Variants in CEMIP observed in about 807,000 individuals in gnomAD.
CEMIP encodes cell migration inducing hyaluronidase 1.
Under a neutral mutation model 156.9 loss-of-function variants are expected in CEMIP, and 105 were observed. That is an observed-to-expected ratio of 0.67 (90% CI 0.57 to 0.79). The LOEUF (loss-of-function observed/expected upper bound fraction) is 0.79, where lower values mean the gene tolerates loss of function less well. Ranked by LOEUF, CEMIP falls within the 30% of genes least tolerant of loss-of-function variation. The pLI is 0.00. For missense variants in CEMIP, 1,457 were observed against 1,769.4 expected, an observed-to-expected ratio of 0.82 and a Z score of 3.17; for synonymous variants, 676 against 668.4, an observed-to-expected ratio of 1.01 and a Z score of -0.17.
chr15:80,854,169 A>C (rs1399565498), intron 1 of CEMIP, among the ~76,000 whole-genome samples: 2 of 152,210 alleles, frequency 1.3e-5, no homozygotes, highest in African/African-American at 4.8e-5. Context: ...CTCTCATTTT[A>C]TGGAGAAAAT....
Position 80,929,188 on chromosome 15 carries a change from C to A in CEMIP, c.2612+14C>A. On this transcript the variant is annotated intron_variant, in intron 21 of 29. Coordinates refer to ENST00000394685, the MANE Select transcript of CEMIP (RefSeq NM_001293298.2). ...CCCTATAGGCCAGTAGGTTTGCAAC[C>A]ATGTAGCTCCTTATTCTGAGTGGCT... The A allele has an allele frequency of 6.2e-7, 1 of 1,614,176 alleles. No homozygotes were observed. The highest frequency in any genetic ancestry group is 8.5e-7 in the Non-Finnish European group (1 of 1,180,020).
At chr15:80,863,696 G>C (rs1295052900) in intron 1 of CEMIP, among the ~76,000 whole-genome samples, 4 of 152,200 alleles carry the variant, frequency 2.6e-5, no homozygotes, top group African/African-American at 9.6e-5. Context: ...TTGAAATCAA[G>C]GAAGCAGACA....
intron 19 of CEMIP, among the ~76,000 whole-genome samples, chr15:80,927,485 T>G (rs903568751): frequency 6.6e-6 from 1 of 152,154 alleles, no homozygotes; most frequent in African/African-American, 2.4e-5. Flanking sequence ...ATATCCTAAG[T>G]TCGGTAAATC....
intron 10 of CEMIP, among the ~76,000 whole-genome samples, chr15:80,890,377 G>C (rs1898994543): frequency 6.7e-6 from 1 of 150,202 alleles, no homozygotes; most frequent in Non-Finnish European, 1.5e-5. Flanking sequence ...TCAGGAGTTA[G>C]AGACCAGCCT....
chr15:80,795,612 C>T (rs1422634713), intron 1 of CEMIP, among the ~76,000 whole-genome samples: 1 of 152,132 alleles, frequency 6.6e-6, no homozygotes, highest in Non-Finnish European at 1.5e-5. Context: ...AGCAAGAAAC[C>T]TTGCATCTTT....
At chr15:80,781,852 A>G (rs1895807027) in intron 1 of CEMIP, among the ~76,000 whole-genome samples, 1 of 152,228 alleles carries the variant, frequency 6.6e-6, no homozygotes, top group African/African-American at 2.4e-5. Flanking sequence ...AAATGGTAGC[A>G]ATTACAGGTA....
intron 17 of CEMIP, among the ~76,000 whole-genome samples, chr15:80,922,955 A>G (rs1197528905): frequency 1.3e-5 from 2 of 152,222 alleles, no homozygotes; most frequent in African/African-American, 4.8e-5. Context: ...TTTCTGGTCC[A>G]ATCCCTAATG....
intron 1 of CEMIP, among the ~76,000 whole-genome samples, chr15:80,806,104 T>C (rs1289035186): frequency 6.6e-6 from 1 of 152,214 alleles, no homozygotes; most frequent in East Asian, 1.9e-4. Flanking sequence ...TAAAATGCGT[T>C]TGTGAGCAAC....
intron 19 of CEMIP, among the ~76,000 whole-genome samples, chr15:80,927,648 G>C (rs933792717): frequency 6.6e-6 from 1 of 152,140 alleles, no homozygotes; most frequent in African/African-American, 2.4e-5. Flanking sequence ...AGGTAGCCTA[G>C]GATCTGCCTG....
At chr15:80,806,170 T>C (rs762677719) in intron 1 of CEMIP, among the ~76,000 whole-genome samples, 27 of 152,258 alleles carry the variant, frequency 1.8e-4, no homozygotes, top group Non-Finnish European at 3.2e-4. Flanking sequence ...TACCAACGTA[T>C]GTCATGTGAT....
chr15:80,846,795 T>G (rs1014868792), intron 1 of CEMIP, among the ~76,000 whole-genome samples: 1 of 152,242 alleles, frequency 6.6e-6, no homozygotes, highest in Non-Finnish European at 1.5e-5. Context: ...GAAGTCCTAA[T>G]TCCTGGCTCA....
chr15:80,908,355 T>TGAC (rs1567095071), intron 13 of CEMIP, among the ~76,000 whole-genome samples: 6 of 152,124 alleles, frequency 3.9e-5, no homozygotes, highest in African/African-American at 1.4e-4. Context: ...GACACTCCAG[T>TGAC]TGACACCTAT....
chr15:80,808,379 G>T (rs1262669226), intron 1 of CEMIP, among the ~76,000 whole-genome samples: 3 of 152,182 alleles, frequency 2.0e-5, no homozygotes, highest in African/African-American at 7.2e-5. Context: ...TTAGGCAGCT[G>T]CATTCTTGAG....
rs1418211498 is a variant in CEMIP, at chr15:80,925,651, G to A, written c.2316G>A (p.Pro772=). 8.7e-6 allele frequency: 14 copies of A among 1,613,190 alleles called. No individual in the cohort carries two copies. The highest frequency in any genetic ancestry group is 2.2e-5 in the East Asian group (1 of 44,882). ...ACAGCCCTCACCAGGACGCCGACCC[G>A]CTGAAGCCCCGGGAGCCGGCCATCA... The part of the protein sequence containing the change: ...ARYSPHQDAD[P]LKPREPAIIR... The change falls in exon 19 of 30, where the codon CCG becomes CCA. Residue 772 remains proline, a synonymous_variant. Transcript: ENST00000394685.
chr15:80,907,755 A>G (rs917177853), intron 13 of CEMIP, among the ~76,000 whole-genome samples: 10 of 150,028 alleles, frequency 6.7e-5, no homozygotes, highest in African/African-American at 2.5e-4. Flanking sequence ...CTTTTATATC[A>G]CAATGCAAAG....
intron 1 of CEMIP, among the ~76,000 whole-genome samples, chr15:80,799,464 G>C (rs184529748): frequency 6.6e-6 from 1 of 152,348 alleles, no homozygotes; most frequent in Admixed American, 6.5e-5. Context: ...TCACAATTTT[G>C]AGAGTCATAT....
At chr15:80,814,547 C>T (rs1322399042) in intron 1 of CEMIP, among the ~76,000 whole-genome samples, 1 of 152,190 alleles carries the variant, frequency 6.6e-6, no homozygotes, top group African/African-American at 2.4e-5. Context: ...CTCAATGTCA[C>T]CCACTCTTAG....
At chr15:80,801,710 C>A (rs1896381939) in intron 1 of CEMIP, among the ~76,000 whole-genome samples, 1 of 152,144 alleles carries the variant, frequency 6.6e-6, no homozygotes, top group Non-Finnish European at 1.5e-5. Context: ...CCACACCCAC[C>A]TTTGATAGAG....
intron 19 of CEMIP, 119 bp downstream of exon 19, chr15:80,925,874 CT>C: frequency 7.2e-7 from 1 of 1,397,810 alleles, no homozygotes; most frequent in Non-Finnish European, 9.5e-7. Context: ...GACGTTTGGC[CT>C]TCTGGTCCCC....
Sources: allele counts gnomAD v4.1 joint callset (sites outside exome capture counted in the v4.1 genomes callset), GRCh38; gene constraint gnomAD v4.1.1; transcripts MANE v1.5; gene names NCBI Gene and HGNC (gene_info 2026-07-23, HGNC 2026-07-21).